KDM2A: variants seen among roughly 807,000 people sequenced by gnomAD.
KDM2A encodes the protein lysine-specific demethylase 2A.
A neutral mutation model predicts 137.3 loss-of-function variants in KDM2A; 3 were observed. That is an observed-to-expected ratio of 0.02 (90% CI 0.01 to 0.06). The LOEUF (loss-of-function observed/expected upper bound fraction) is 0.06. Among genes scored for constraint, KDM2A ranks in the 10% least tolerant of loss-of-function variants. The pLI is 1.00. For missense variants in KDM2A, 738 were observed against 1,510.6 expected (o/e 0.49, Z 8.48); for synonymous variants, 512 against 541.5 (o/e 0.95, Z 0.76).
At chr11:67,253,395 G>A (rs954183613) in intron 18 of KDM2A, 58 bp from the exon 19 acceptor site, 41 of 1,476,926 alleles carry the variant, frequency 2.8e-5, no homozygotes, top group South Asian at 2.2e-4. Context: ...AGATCGTTAC[G>A]GCTCTGAGTA....
intron 11 of KDM2A, among the ~76,000 whole-genome samples, chr11:67,231,070 C>A (rs1858702340): frequency 6.6e-6 from 1 of 151,884 alleles, no homozygotes; most frequent in South Asian, 2.1e-4. Context: ...AGTCTTCCCA[C>A]CTCACCCTCC....
chr11:67,237,990 T>A (rs1858919873), intron 12 of KDM2A, among the ~76,000 whole-genome samples: 1 of 152,112 alleles, frequency 6.6e-6, no homozygotes, highest in African/African-American at 2.4e-5. Flanking sequence ...TTTGCAATAT[T>A]TACTAACAAG....
intron 2 of KDM2A, among the ~76,000 whole-genome samples, chr11:67,169,733 TTCTCTCTCTC>T (rs71056181): frequency 1.4e-4 from 13 of 92,682 alleles, no homozygotes; most frequent in East Asian, 9.2e-4. Context: ...CTCTCTCTCC[TTCTCTCTCTC>T]TCTCTCTCTC....
chr11:67,208,243 A>AT (rs1172898282), intron 6 of KDM2A, among the ~76,000 whole-genome samples: 105 of 147,692 alleles, frequency 7.1e-4, no homozygotes, highest in Non-Finnish European at 1.1e-3. Flanking sequence ...TATTAAAAAA[A>AT]TTTTTTTTTT....
intron 16 of KDM2A, 75 bp downstream of exon 16, chr11:67,248,445 T>TTTG (rs1457720299): frequency 2.2e-5 from 21 of 972,106 alleles, no homozygotes; most frequent in African/African-American, 2.1e-4. Flanking sequence ...CACGTTTGCC[T>TTTG]TTGCATTAGT....
chr11:67,169,101 G>A (rs1294550011), intron 2 of KDM2A, among the ~76,000 whole-genome samples: 2 of 149,112 alleles, frequency 1.3e-5, no homozygotes, highest in African/African-American at 4.9e-5. Flanking sequence ...GATCACAGGC[G>A]CCTGCCACCG....
At chr11:67,184,893 G>A (rs1857170182) in intron 5 of KDM2A, among the ~76,000 whole-genome samples, 1 of 152,076 alleles carries the variant, frequency 6.6e-6, no homozygotes, top group Non-Finnish European at 1.5e-5. Flanking sequence ...GGAAGGGAGA[G>A]AATTGGATTT....
At chr11:67,212,336 A>C (rs1382923301) in intron 6 of KDM2A, among the ~76,000 whole-genome samples, 1 of 152,190 alleles carries the variant, frequency 6.6e-6, no homozygotes, top group Non-Finnish European at 1.5e-5. Context: ...CCGGGAGGTA[A>C]GAAGGGCAAC....
At position 67,180,084 on chromosome 11, in the gene KDM2A, T is replaced by C. The variant is rs755846768; in HGVS notation, c.48T>C (p.Gly16=). 29 of 1,613,392 alleles carry C rather than the reference T, an allele frequency of 1.8e-5. No individual in the cohort carries two copies. The East Asian group carries it at 5.6e-4, about 31-fold the overall frequency. Reference sequence around the variant, plus strand: ...TATGTTCCTTTCTTTCCTAGCGTGGTACCATGCGACGACGCTATGAAGATG... The same window carrying C: ...TATGTTCCTTTCTTTCCTAGCGTGGCACCATGCGACGACGCTATGAAGATG... The part of the protein sequence containing the change: ...ERIRYSQRLR[G]TMRRRYEDDG... Residue 16 remains glycine, a synonymous_variant, in exon 3 of 21, where the codon GGT becomes GGC. Transcript: ENST00000529006.
chr11:67,219,344 T>C lies in KDM2A; in HGVS notation c.898T>C (p.Leu300=). The change falls in exon 10 of 21, where the codon TTG becomes CTG. Residue 300 remains leucine (L), a synonymous_variant. Coordinates refer to ENST00000529006, the MANE Select transcript of KDM2A (RefSeq NM_012308.3). The part of the protein sequence containing the change: ...TDTLVFGGNF[L]HSFNIPMQLK... ...CACATTAGTGTTTGGGGGCAATTTT[T>C]TGCATAGCTTCAACATCCCTATGCA... The C allele has an allele frequency of 6.2e-7, 1 of 1,611,468 alleles. No individual in the cohort carries two copies. The highest frequency in any genetic ancestry group is 1.1e-5 in the South Asian group (1 of 90,612).
intron 6 of KDM2A, among the ~76,000 whole-genome samples, chr11:67,208,656 A>G (rs1857885846): frequency 6.6e-6 from 1 of 151,710 alleles, no homozygotes; most frequent in Non-Finnish European, 1.5e-5. Context: ...CTGTAATTCC[A>G]GCTACTCGGG....
At chr11:67,178,427 G>T (rs1231943539) in intron 2 of KDM2A, among the ~76,000 whole-genome samples, 1 of 151,920 alleles carries the variant, frequency 6.6e-6, no homozygotes, top group East Asian at 1.9e-4. Context: ...ATAAAATAAA[G>T]TGTACAATCC....
chr11:67,201,216 A>ATGTGTG (rs1256887712), intron 5 of KDM2A, among the ~76,000 whole-genome samples: 230 of 19,724 alleles, frequency 0.012, no homozygotes, highest in South Asian at 0.026. Flanking sequence ...ATATATATAT[A>ATGTGTG]TATGTGTGTG....
rs77814456 is a variant in KDM2A at position 67,255,575 on chromosome 11, G to A, written c.*520G>A. 2.2e-5 allele frequency: 10 copies of A among 456,760 alleles called. No homozygotes were observed. Among genetic ancestry groups the A allele is most frequent in the East Asian group, 7.0e-5 (1 of 14,366 alleles). The allele number at this position is 456,760 out of a possible 1,614,324, so 28.3% of individuals were successfully genotyped here. ...GCCCCAGGAGTCCCAGACCCGTGCC[G>A]ATCACACTGGTGCTGTTGAGATCTC... On this transcript the variant is annotated 3_prime_UTR_variant, in exon 21 of 21. Coordinates refer to ENST00000529006, the MANE Select transcript of KDM2A (RefSeq NM_012308.3).
chr11:67,125,238 T>C (rs900558000), intron 2 of KDM2A, among the ~76,000 whole-genome samples: 3 of 151,296 alleles, frequency 2.0e-5, no homozygotes, highest in African/African-American at 7.3e-5. Flanking sequence ...TAGAGTGCAG[T>C]GGCATGATCA....
chr11:67,205,094 G>A (rs763685969), intron 5 of KDM2A, among the ~76,000 whole-genome samples: 17 of 152,126 alleles, frequency 1.1e-4, no homozygotes, highest in Admixed American at 1.3e-4. Flanking sequence ...TTTCCATAGC[G>A]GCTGCACCAT....
chr11:67,163,805 G>A (rs1191569343), intron 2 of KDM2A, among the ~76,000 whole-genome samples: 2 of 150,868 alleles, frequency 1.3e-5, no homozygotes, highest in Admixed American at 6.6e-5. Context: ...GCAGTGAGCC[G>A]AGATAGCACC....
At chr11:67,122,910 T>G (rs1855631734) in intron 2 of KDM2A, among the ~76,000 whole-genome samples, 1 of 151,008 alleles carries the variant, frequency 6.6e-6, no homozygotes, top group African/African-American at 2.4e-5. Context: ...CTCCTGACCT[T>G]GTGATCTGCC....
chr11:67,171,457 AGTT>A (rs1316503369), intron 2 of KDM2A, among the ~76,000 whole-genome samples: 3 of 147,492 alleles, frequency 2.0e-5, no homozygotes, highest in African/African-American at 4.9e-5. Flanking sequence ...TGGGGCCTTA[AGTT>A]GTTTACTTCC....
Sources: allele counts gnomAD v4.1 joint callset (sites outside exome capture counted in the v4.1 genomes callset), GRCh38; gene constraint gnomAD v4.1.1; transcripts MANE v1.5; gene names NCBI Gene and HGNC (gene_info 2026-07-23, HGNC 2026-07-21).